The following TSPAN5 variants were observed in gnomAD, a reference collection of about 807,000 sequenced individuals.
The protein encoded by TSPAN5 is tetraspanin 5.
In TSPAN5, 10 loss-of-function variants were observed where a neutral mutation model predicts 37.1. That is an observed-to-expected ratio of 0.27 (90% CI 0.17 to 0.46). TSPAN5 has a LOEUF of 0.46. Ranked by LOEUF, TSPAN5 falls within the 20% of genes least tolerant of loss-of-function variation. The pLI, the probability that TSPAN5 is intolerant of heterozygous loss-of-function variation, is 1.00. For missense variants in TSPAN5, 195 were observed against 326.6 expected, an observed-to-expected ratio of 0.60 and a Z score of 3.11; for synonymous variants, 110 against 118.9, an observed-to-expected ratio of 0.93 and a Z score of 0.48.
chr4:98,645,170 T>C (rs1757037251), intron 1 of TSPAN5, among the ~76,000 whole-genome samples: 1 of 152,276 alleles, frequency 6.6e-6, no homozygotes, highest in African/African-American at 2.4e-5. Context: ...CTCCATTTGA[T>C]GCCAGAATGT....
intron 1 of TSPAN5, among the ~76,000 whole-genome samples, chr4:98,555,202 G>A (rs1212665905): frequency 2.0e-5 from 3 of 152,036 alleles, no homozygotes; most frequent in Non-Finnish European, 2.9e-5. Flanking sequence ...TGCACCATAC[G>A]ATACTTCATA....
intron 1 of TSPAN5, among the ~76,000 whole-genome samples, chr4:98,550,419 A>G (rs1427787359): frequency 6.6e-6 from 1 of 152,118 alleles, no homozygotes; most frequent in Non-Finnish European, 1.5e-5. Context: ...TCTGTGAAAA[A>G]TAATGTTGGT....
At chr4:98,547,877 T>G (rs1347604670) in intron 1 of TSPAN5, among the ~76,000 whole-genome samples, 1 of 151,318 alleles carries the variant, frequency 6.6e-6, no homozygotes, top group Non-Finnish European at 1.5e-5. Flanking sequence ...TGGTGGTGGG[T>G]GCCTGTAATC....
At chr4:98,612,691 C>T (rs1322116125) in intron 1 of TSPAN5, among the ~76,000 whole-genome samples, 2 of 152,078 alleles carry the variant, frequency 1.3e-5, no homozygotes, top group Non-Finnish European at 2.9e-5. Context: ...TCTCCCGCTC[C>T]CCGCGGGGCT....
intron 2 of TSPAN5, among the ~76,000 whole-genome samples, chr4:98,487,925 T>A (rs939123003): frequency 1.3e-4 from 20 of 152,154 alleles, no homozygotes; most frequent in Admixed American, 1.2e-3. Flanking sequence ...ACTGTGGATG[T>A]GCATGGGCCT....
intron 1 of TSPAN5, among the ~76,000 whole-genome samples, chr4:98,615,168 T>G (rs1756293485): frequency 6.6e-6 from 1 of 152,236 alleles, no homozygotes; most frequent in South Asian, 2.1e-4. Flanking sequence ...GATTCCCATC[T>G]GCCTTGCCAC....
intron 1 of TSPAN5, among the ~76,000 whole-genome samples, chr4:98,611,360 C>T (rs1465924996): frequency 1.3e-5 from 2 of 152,152 alleles, no homozygotes; most frequent in African/African-American, 4.8e-5. Flanking sequence ...TACTAAGAAT[C>T]AACTATTAAA....
intron 1 of TSPAN5, among the ~76,000 whole-genome samples, chr4:98,638,044 T>C (rs1756893988): frequency 6.6e-6 from 1 of 152,180 alleles, no homozygotes; most frequent in African/African-American, 2.4e-5. Flanking sequence ...GCCTGGACTT[T>C]CCCACCTGTC....
chr4:98,585,839 C>T (rs910140360), intron 1 of TSPAN5, among the ~76,000 whole-genome samples: 6 of 152,248 alleles, frequency 3.9e-5, no homozygotes, highest in Non-Finnish European at 7.3e-5. Context: ...GTGCCAATCT[C>T]CTCCACTGTG....
At chr4:98,487,468 C>T (rs546331988) in intron 2 of TSPAN5, among the ~76,000 whole-genome samples, 1 of 152,288 alleles carries the variant, frequency 6.6e-6, no homozygotes, top group South Asian at 2.1e-4. Flanking sequence ...TAGACAAATG[C>T]CTATTGCAAA....
intron 1 of TSPAN5, among the ~76,000 whole-genome samples, chr4:98,563,450 C>T (rs1339275947): frequency 6.6e-6 from 1 of 152,126 alleles, no homozygotes; most frequent in East Asian, 1.9e-4. Context: ...GAAAGCAGTC[C>T]TCGCCCTGCT....
chr4:98,560,966 A>G (rs998406702), intron 1 of TSPAN5, among the ~76,000 whole-genome samples: 1 of 152,244 alleles, frequency 6.6e-6, no homozygotes, highest in Non-Finnish European at 1.5e-5. Context: ...CACAGTTTGC[A>G]GCTAGTATAA....
At chr4:98,630,622 G>A (rs901180593) in intron 1 of TSPAN5, among the ~76,000 whole-genome samples, 2 of 152,162 alleles carry the variant, frequency 1.3e-5, no homozygotes, top group African/African-American at 4.8e-5. Flanking sequence ...AGGGGCCCAC[G>A]GAATCCAACG....
chr4:98,517,655 G>A lies in TSPAN5; in HGVS notation c.82-9927C>T, dbSNP rs1408508961. On this transcript the variant is annotated intron_variant, in intron 1 of 7. Transcript: ENST00000305798. The stretch of plus-strand genomic sequence containing the variant: ...CATCTGAGATGGGGAGGGGAGAGAA[G>A]GGAGGGCTGTGCAAGCAATCAAACT... Among the ~76,000 whole-genome samples, 3 of 152,030 alleles carry A rather than the reference G, an allele frequency of 2.0e-5. No homozygotes were observed. The East Asian group carries it at 5.8e-4, about 29-fold the overall frequency.
chr4:98,594,230 G>C (rs1215277521), intron 1 of TSPAN5, among the ~76,000 whole-genome samples: 1 of 132,660 alleles, frequency 7.5e-6, no homozygotes, highest in African/African-American at 3.4e-5. Flanking sequence ...CTATGATTTG[G>C]CTCTCTGTTT....
At chr4:98,500,515 A>G (rs1052251213) in intron 2 of TSPAN5, among the ~76,000 whole-genome samples, 1 of 152,138 alleles carries the variant, frequency 6.6e-6, no homozygotes, top group Admixed American at 6.5e-5. Flanking sequence ...AGTGAGTGCA[A>G]TGGAGGATGA....
chr4:98,510,538 T>TA (rs1424382217), intron 1 of TSPAN5, among the ~76,000 whole-genome samples: 1 of 152,182 alleles, frequency 6.6e-6, no homozygotes, highest in Non-Finnish European at 1.5e-5. Context: ...CCTTTTTAAA[T>TA]AAAGTTTTCG....
chr4:98,516,719 C>T (rs1753739360), intron 1 of TSPAN5, among the ~76,000 whole-genome samples: 1 of 152,164 alleles, frequency 6.6e-6, no homozygotes, highest in Admixed American at 6.5e-5. Context: ...TGGCTTGCAG[C>T]TGTTCTAGAG....
chr4:98,607,643 T>C (rs1317597663), intron 1 of TSPAN5, among the ~76,000 whole-genome samples: 1 of 151,990 alleles, frequency 6.6e-6, no homozygotes, highest in East Asian at 1.9e-4. Flanking sequence ...CTTCCTTACA[T>C]GCTTTTTGCC....
Sources: gnomAD v4.1 joint callset for allele counts (sites outside exome capture counted in the v4.1 genomes callset) on GRCh38, gnomAD v4.1.1 for gene constraint, MANE v1.5 for transcripts, NCBI Gene and HGNC (gene_info 2026-07-23, HGNC 2026-07-21) for gene names.